The following CNBD1 variants were observed in gnomAD, a reference collection of about 807,000 sequenced individuals.
CNBD1 encodes the protein cyclic nucleotide-binding domain-containing protein 1.
A neutral mutation model predicts 54.4 loss-of-function variants in CNBD1; 71 were observed. The ratio of observed to expected loss-of-function variants is 1.30; its 90% CI spans 1.08 to 1.59. The LOEUF is 1.59. Among genes scored for constraint, CNBD1 ranks in the 40% most tolerant of loss-of-function variants. CNBD1 has a pLI of 0.00. For missense variants in CNBD1, 659 were observed against 518.0 expected (o/e 1.27, Z -2.64); for synonymous variants, 182 against 170.7 (o/e 1.07, Z -0.51).
intron 4 of CNBD1, among the ~76,000 whole-genome samples, chr8:87,006,863 G>A (rs1429108796): frequency 1.3e-5 from 2 of 152,176 alleles, no homozygotes; most frequent in Non-Finnish European, 2.9e-5. Context: ...TAAACATTAT[G>A]ACTTTCTTAT....
At chr8:87,047,596 A>G (rs1377611905) in intron 4 of CNBD1, among the ~76,000 whole-genome samples, 5 of 152,244 alleles carry the variant, frequency 3.3e-5, no homozygotes, top group Non-Finnish European at 5.9e-5. Flanking sequence ...TAAGCAAAAT[A>G]TTACAGAAGT....
At chr8:86,919,427 G>C (rs1320877112) in intron 3 of CNBD1, among the ~76,000 whole-genome samples, 1 of 152,154 alleles carries the variant, frequency 6.6e-6, no homozygotes, top group African/African-American at 2.4e-5. Context: ...GAAATTACCT[G>C]ATTGACCAGT....
chr8:86,923,511 C>A (rs1281066332), intron 3 of CNBD1, among the ~76,000 whole-genome samples: 1 of 152,004 alleles, frequency 6.6e-6, no homozygotes, highest in African/African-American at 2.4e-5. Context: ...GCCCCTAGAC[C>A]CAGGTGTTTT....
intron 8 of CNBD1, among the ~76,000 whole-genome samples, chr8:87,298,780 G>T (rs545217205): frequency 6.6e-6 from 1 of 151,948 alleles, no homozygotes; most frequent in Admixed American, 6.6e-5. Context: ...CACCATGCCC[G>T]GCCCAAATGT....
At chr8:87,004,458 T>G (rs1809054796) in intron 4 of CNBD1, among the ~76,000 whole-genome samples, 1 of 151,722 alleles carries the variant, frequency 6.6e-6, no homozygotes, top group Admixed American at 6.6e-5. Context: ...TATGTGTAAA[T>G]ATAAACATTT....
At chr8:87,421,524 T>C (rs934525205) in intron 2 of CNBD1, among the ~76,000 whole-genome samples, 2 of 149,338 alleles carry the variant, frequency 1.3e-5, no homozygotes. Context: ...GAATATGCAG[T>C]GTTTGGTTTT....
intron 4 of CNBD1, among the ~76,000 whole-genome samples, chr8:87,140,249 C>T (rs1812345325): frequency 6.6e-6 from 1 of 152,030 alleles, no homozygotes; most frequent in Admixed American, 6.6e-5. Context: ...TACACACACA[C>T]CTTGTACAAT....
rs914999764 is a variant in CNBD1, at chr8:87,324,062, A to G, written c.1043-27623A>G. ...TTTTTCTGCATCTATTGAGATAATC[A>G]TGTGGTTTTTGTCTTTGGCTCTTTT... On this transcript the variant is annotated intron_variant, in intron 8 of 10. Transcript: ENST00000518476. 9.6e-5 allele frequency among the ~76,000 whole-genome samples: 12 copies of G among 125,300 alleles called. 1 individual carries two copies. The highest frequency in any genetic ancestry group is 1.4e-4 in the Non-Finnish European group (8 of 56,062). 82.2% of individuals were successfully genotyped at this position (125,300 alleles called of 152,430 possible).
rs1362381825 is a variant in CNBD1 at position 87,335,075 on chromosome 8, G to A, written c.1043-16610G>A. 4.6e-5 allele frequency among the ~76,000 whole-genome samples: 7 copies of A among 152,266 alleles called. 1 individual carries two copies. In the East Asian group the frequency reaches 5.8e-4, roughly 13 times the overall value. On this transcript the variant is annotated intron_variant, in intron 8 of 10. Coordinates refer to ENST00000518476, the MANE Select transcript of CNBD1 (RefSeq NM_173538.3). ...TGATTGCACTATGGTCTGAGAGACTGTTATGATTTCAGTTCTTTTGCATTT... is the reference window on the plus strand; with the variant it reads ...TGATTGCACTATGGTCTGAGAGACTATTATGATTTCAGTTCTTTTGCATTT...
At chr8:86,925,029 G>A (rs1251210757) in intron 3 of CNBD1, among the ~76,000 whole-genome samples, 11 of 152,124 alleles carry the variant, frequency 7.2e-5, no homozygotes, top group Admixed American at 7.2e-4. Context: ...GGGAAATATT[G>A]CTTACCTCTC....
intron 5 of CNBD1, among the ~76,000 whole-genome samples, chr8:87,224,026 T>G (rs940944851): frequency 1.3e-5 from 2 of 151,948 alleles, no homozygotes; most frequent in African/African-American, 4.8e-5. Context: ...GTTTTTTGGC[T>G]GCATAAATGT....
intron 2 of CNBD1, among the ~76,000 whole-genome samples, chr8:87,407,906 C>T (rs1391151362): frequency 1.3e-5 from 2 of 151,828 alleles, no homozygotes; most frequent in Admixed American, 6.6e-5. Flanking sequence ...TGAGCAAAAT[C>T]CTCTCCCTTT....
At chr8:86,968,254 C>G (rs145095479) in intron 4 of CNBD1, among the ~76,000 whole-genome samples, 447 of 152,172 alleles carry the variant, frequency 2.9e-3, no homozygotes, top group African/African-American at 0.01. Context: ...TTTTTTACCA[C>G]TCACCCGGTT....
chr8:86,992,280 T>C (rs1040161375), intron 4 of CNBD1, among the ~76,000 whole-genome samples: 12 of 152,156 alleles, frequency 7.9e-5, no homozygotes, highest in Non-Finnish European at 1.3e-4. Flanking sequence ...TTTTTGTTCT[T>C]TTTAATTTTT....
At chr8:87,119,391 G>A (rs1811846173) in intron 4 of CNBD1, among the ~76,000 whole-genome samples, 1 of 151,192 alleles carries the variant, frequency 6.6e-6, no homozygotes, top group African/African-American at 2.4e-5. Context: ...GATAATTATT[G>A]GTGTGTAGAA....
In CNBD1 at chr8:87,220,499, G is replaced by GTT. The variant is rs111608836; in HGVS notation, c.577+14377_577+14378dup. ...CCTGGAACCTCCCCTAACTGTCCAA[G>GTT]TTTTTTTTTTTTTTTTTCATTTTTT... On this transcript the variant is annotated intron_variant, in intron 5 of 10. Transcript: ENST00000518476. Among the ~76,000 whole-genome samples the GTT allele has an allele frequency of 2.0e-3, 249 of 126,594 alleles. 3 individuals carry two copies. In the East Asian group the frequency reaches 0.032, roughly 16 times the overall value. The allele number at this position is 126,594 out of a possible 152,430, so 83.1% of individuals were successfully genotyped here.
chr8:87,100,896 A>T (rs1389036978), intron 4 of CNBD1, among the ~76,000 whole-genome samples: 1 of 152,216 alleles, frequency 6.6e-6, no homozygotes, highest in Non-Finnish European at 1.5e-5. Context: ...TATAAAAACT[A>T]CCAAAATCCT....
intron 2 of CNBD1, among the ~76,000 whole-genome samples, chr8:87,389,058 T>A (rs1350019925): frequency 6.6e-6 from 1 of 152,194 alleles, no homozygotes; most frequent in Non-Finnish European, 1.5e-5. Context: ...GAGCCCTTGA[T>A]GCTAAAATCT....
chr8:87,103,235 G>T (rs997628393), intron 4 of CNBD1, among the ~76,000 whole-genome samples: 4 of 152,048 alleles, frequency 2.6e-5, no homozygotes, highest in Non-Finnish European at 5.9e-5. Context: ...GGATGGGAAA[G>T]AAATGGAAAA....
Sources: gnomAD v4.1 joint callset for allele counts (sites outside exome capture counted in the v4.1 genomes callset) on GRCh38, gnomAD v4.1.1 for gene constraint, MANE v1.5 for transcripts, NCBI Gene and HGNC (gene_info 2026-07-23, HGNC 2026-07-21) for gene names.